Variants in ST8SIA4 observed in about 807,000 individuals in gnomAD.
ST8SIA4 encodes ST8 alpha-N-acetyl-neuraminide alpha-2,8-sialyltransferase 4.
A neutral mutation model predicts 33.9 loss-of-function variants in ST8SIA4; 15 were observed. The ratio of observed to expected loss-of-function variants is 0.44; its 90% CI spans 0.30 to 0.68. The LOEUF is 0.68. ST8SIA4 is among the 30% of genes least tolerant of loss of function. The pLI, the probability that ST8SIA4 is intolerant of heterozygous loss-of-function variation, is 0.10. For missense variants in ST8SIA4, 321 were observed against 428.0 expected, an observed-to-expected ratio of 0.75 and a Z score of 2.21; for synonymous variants, 171 against 151.2, an observed-to-expected ratio of 1.13 and a Z score of -0.96.
chr5:100,820,668 C>G (rs1751015998), intron 4 of ST8SIA4, among the ~76,000 whole-genome samples: 1 of 152,066 alleles, frequency 6.6e-6, no homozygotes, highest in Non-Finnish European at 1.5e-5. Flanking sequence ...AGAGAGAATA[C>G]TCTAGACTTT....
intron 2 of ST8SIA4, among the ~76,000 whole-genome samples, chr5:100,894,604 G>A (rs1381029730): frequency 6.6e-6 from 1 of 151,870 alleles, no homozygotes; most frequent in Non-Finnish European, 1.5e-5. Flanking sequence ...CCAGACATTC[G>A]TTCAAGTAAA....
chr5:100,824,355 T>C, intron 4 of ST8SIA4, among the ~76,000 whole-genome samples: 1 of 152,126 alleles, frequency 6.6e-6, no homozygotes, highest in East Asian at 1.9e-4. Flanking sequence ...CATTAAAATA[T>C]TGGGGAAATA....
At chr5:100,880,640 C>T (rs895223378) in intron 3 of ST8SIA4, among the ~76,000 whole-genome samples, 5 of 152,136 alleles carry the variant, frequency 3.3e-5, no homozygotes, top group East Asian at 1.9e-4. Flanking sequence ...GAATGCAACC[C>T]GTCACATCAG....
intron 3 of ST8SIA4, among the ~76,000 whole-genome samples, chr5:100,883,720 T>TA (rs1199099789): frequency 1.7e-4 from 26 of 152,190 alleles, no homozygotes; most frequent in South Asian, 2.1e-4. Context: ...GAATAAGTCT[T>TA]ACGAGATCTG....
intron 4 of ST8SIA4, among the ~76,000 whole-genome samples, chr5:100,830,794 AAT>A (rs1361880674): frequency 1.3e-5 from 2 of 152,246 alleles, no homozygotes; most frequent in African/African-American, 2.4e-5. Context: ...ATATGCAAGA[AAT>A]ATATGTGTGT....
At chr5:100,849,701 G>C (rs994651734) in intron 4 of ST8SIA4, among the ~76,000 whole-genome samples, 1 of 151,890 alleles carries the variant, frequency 6.6e-6, no homozygotes, top group Admixed American at 6.6e-5. Context: ...TGAGGCAGAA[G>C]AATCAATCGC....
At chr5:100,880,206 G>T (rs1455099405) in intron 3 of ST8SIA4, among the ~76,000 whole-genome samples, 1 of 151,788 alleles carries the variant, frequency 6.6e-6, no homozygotes, top group East Asian at 1.9e-4. Context: ...TCTTTACTAG[G>T]GTCTGAGATT....
chr5:100,808,797 G>C lies in ST8SIA4; in HGVS notation c.*3050C>G, dbSNP rs1016626123. The C allele has an allele frequency of 1.3e-5, 2 of 152,628 alleles. No individual in the cohort carries two copies. The highest frequency in any genetic ancestry group is 2.1e-4 in the South Asian group (1 of 4,836). 9.5% of individuals were successfully genotyped at this position (152,628 alleles called of 1,614,324 possible). A position where few individuals can be genotyped will look rare whatever the true frequency, so the allele number is the denominator to read the frequency against. ...CTGTTTCCATAAAAAGGCCACAGTAGATAGTTAAAATGGGAGGGCAGATGG... is the reference window on the plus strand; with the variant it reads ...CTGTTTCCATAAAAAGGCCACAGTACATAGTTAAAATGGGAGGGCAGATGG... On this transcript the variant is annotated 3_prime_UTR_variant, in exon 5 of 5. Coordinates refer to ENST00000231461, the MANE Select transcript of ST8SIA4 (RefSeq NM_005668.6).
chr5:100,860,887 G>A (rs1485528371), intron 3 of ST8SIA4, among the ~76,000 whole-genome samples: 2 of 152,026 alleles, frequency 1.3e-5, no homozygotes, highest in Admixed American at 1.3e-4. Context: ...TGTTATTCAA[G>A]GCCATTCAGC....
chr5:100,847,859 T>A (rs73775449), intron 4 of ST8SIA4, among the ~76,000 whole-genome samples: 1 of 152,088 alleles, frequency 6.6e-6, no homozygotes, highest in Non-Finnish European at 1.5e-5. Context: ...TAGAAAGGTA[T>A]GCCAAAATAA....
At chr5:100,812,230 T>C in intron 4 of ST8SIA4, 101 bp from the exon 5 acceptor site, 1 of 891,790 alleles carries the variant, frequency 1.1e-6, no homozygotes, top group Non-Finnish European at 1.6e-6. Flanking sequence ...AAGGTATCTT[T>C]ATGAATAATA....
At chr5:100,826,957 T>TGTAC (rs1491244930) in intron 4 of ST8SIA4, among the ~76,000 whole-genome samples, 1 of 133,638 alleles carries the variant, frequency 7.5e-6, no homozygotes, top group African/African-American at 2.6e-5. Flanking sequence ...TATGTGTGTG[T>TGTAC]ATATACACAC....
chr5:100,853,933 A>G (rs1751755891), intron 4 of ST8SIA4, among the ~76,000 whole-genome samples: 1 of 151,628 alleles, frequency 6.6e-6, no homozygotes, highest in Non-Finnish European at 1.5e-5. Context: ...ACTTCAGATT[A>G]TTTCTTTCTA....
chr5:100,834,343 T>C (rs1299513159), intron 4 of ST8SIA4, among the ~76,000 whole-genome samples: 1 of 152,148 alleles, frequency 6.6e-6, no homozygotes, highest in Non-Finnish European at 1.5e-5. Flanking sequence ...AGTTATCTCA[T>C]AACTATTTAA....
chr5:100,846,760 A>G (rs74340263), intron 4 of ST8SIA4, among the ~76,000 whole-genome samples: 2 of 152,130 alleles, frequency 1.3e-5, no homozygotes, highest in Admixed American at 6.6e-5. Context: ...GATATTTCGC[A>G]AAGCCTTTTA....
chr5:100,821,279 T>C (rs1374610004), intron 4 of ST8SIA4, among the ~76,000 whole-genome samples: 1 of 152,204 alleles, frequency 6.6e-6, no homozygotes, highest in South Asian at 2.1e-4. Flanking sequence ...GGTAGTGGTG[T>C]AGGTAATCCT....
At chr5:100,890,368 A>G (rs1416144396) in intron 2 of ST8SIA4, among the ~76,000 whole-genome samples, 2 of 151,916 alleles carry the variant, frequency 1.3e-5, no homozygotes, top group East Asian at 3.8e-4. Flanking sequence ...CTGTACTTAA[A>G]CTGAACTGAA....
rs1455965488 is a variant in ST8SIA4, at chr5:100,902,875, T to C, written c.81A>G (p.Arg27=). Residue 27 remains arginine, a synonymous_variant, in exon 1 of 5, where the codon AGA becomes AGG. Transcript: ENST00000231461. ...GTTGCGTCTCCTGGTGCTCCTCAGT[T>C]CTTGCTATTTCTTTTGTCTTATAAA... is the stretch of plus-strand genomic sequence containing the variant. ...LIFYKTKEIA[R]TEEHQETQLI... is the part of the protein sequence containing the mutation. 5 of 1,614,236 alleles carry C rather than the reference T, an allele frequency of 3.1e-6. No homozygotes were observed. In the Admixed American group the frequency reaches 8.3e-5, roughly 27 times the overall value.
intron 3 of ST8SIA4, among the ~76,000 whole-genome samples, chr5:100,865,063 C>T (rs559368972): frequency 6.6e-6 from 1 of 152,170 alleles, no homozygotes; most frequent in African/African-American, 2.4e-5. Flanking sequence ...ATGGTTATGT[C>T]CCTGTCAGGG....
Sources: gnomAD v4.1 joint callset for allele counts (sites outside exome capture counted in the v4.1 genomes callset) on GRCh38, gnomAD v4.1.1 for gene constraint, MANE v1.5 for transcripts, NCBI Gene and HGNC (gene_info 2026-07-23, HGNC 2026-07-21) for gene names.